Variants in PHACTR3 observed in about 807,000 individuals in gnomAD.
PHACTR3 encodes protein phosphatase 1, regulatory subunit 123.
Under a neutral mutation model 66.8 loss-of-function variants are expected in PHACTR3, and 16 were observed. The ratio of observed to expected loss-of-function variants is 0.24; its 90% CI spans 0.16 to 0.36. The LOEUF is 0.36. Ranked by LOEUF, PHACTR3 falls within the 10% of genes least tolerant of loss-of-function variation. The probability of loss-of-function intolerance (pLI) is 1.00; values close to 1 mark genes in which losing one functional copy is unlikely to be tolerated. For synonymous variants in PHACTR3, 323 were observed against 292.1 expected (o/e 1.11, Z -1.08); for missense variants, 647 against 719.9 (o/e 0.90, Z 1.16).
intron 1 of PHACTR3, among the ~76,000 whole-genome samples, chr20:59,680,699 G>A (rs1245692597): frequency 6.6e-6 from 1 of 152,106 alleles, no homozygotes; most frequent in Non-Finnish European, 1.5e-5. Flanking sequence ...ATTAGTGTTA[G>A]CGTATTTTAT....
chr20:59,823,505 T>C (rs2042107163), intron 8 of PHACTR3, among the ~76,000 whole-genome samples: 1 of 152,218 alleles, frequency 6.6e-6, no homozygotes, highest in South Asian at 2.1e-4. Flanking sequence ...TTTTAAACCA[T>C]ACAGATGTCA....
At chr20:59,635,169 C>CTTTCCTTTCTTT (rs1555881178) in intron 1 of PHACTR3, among the ~76,000 whole-genome samples, 6 of 55,372 alleles carry the variant, frequency 1.1e-4, no homozygotes, top group African/African-American at 4.5e-4. Flanking sequence ...TTCTTTCTTT[C>CTTTCCTTTCTTT]CTTTCTTTCT....
At chr20:59,761,656 C>A (rs1200035253) in intron 4 of PHACTR3, among the ~76,000 whole-genome samples, 1 of 152,224 alleles carries the variant, frequency 6.6e-6, no homozygotes, top group Non-Finnish European at 1.5e-5. Context: ...TTACTATCTG[C>A]ATCTGAACAG....
chr20:59,703,694 TGTGTGTGTGA>T (rs2146619626), intron 1 of PHACTR3, among the ~76,000 whole-genome samples: 1 of 148,070 alleles, frequency 6.8e-6, no homozygotes, highest in Non-Finnish European at 1.5e-5. Context: ...CCTTGGGGTG[TGTGTGTGTGA>T]GTGTGTGTGT....
At chr20:59,694,334 A>T (rs2037217679) in intron 1 of PHACTR3, among the ~76,000 whole-genome samples, 1 of 152,044 alleles carries the variant, frequency 6.6e-6, no homozygotes. Context: ...GGTGGAAGTG[A>T]ACTTGTTTGC....
intron 9 of PHACTR3, among the ~76,000 whole-genome samples, chr20:59,838,659 A>C (rs929030926): frequency 5.9e-5 from 9 of 152,164 alleles, no homozygotes; most frequent in African/African-American, 2.2e-4. Flanking sequence ...GGTCTGCCTA[A>C]CTCCATTGCC....
At chr20:59,776,925 A>G (rs1182494) in intron 7 of PHACTR3, among the ~76,000 whole-genome samples, 96,067 of 152,134 alleles carry the variant, frequency 0.63, 32,888 homozygotes, top group Non-Finnish European at 0.76. Context: ...GCCTGGTCAC[A>G]GCCAGCTGTG....
intron 1 of PHACTR3, among the ~76,000 whole-genome samples, chr20:59,621,754 A>T (rs1311783819): frequency 6.6e-6 from 1 of 152,186 alleles, no homozygotes; most frequent in Non-Finnish European, 1.5e-5. Flanking sequence ...AGCCACGTCC[A>T]CCACATACTG....
intron 7 of PHACTR3, among the ~76,000 whole-genome samples, chr20:59,784,950 G>C (rs1463492179): frequency 6.6e-6 from 1 of 150,670 alleles, no homozygotes; most frequent in Non-Finnish European, 1.5e-5. Flanking sequence ...GATCTTTCTG[G>C]AGTGCAGACC....
At chr20:59,713,662 T>G (rs929441251) in intron 1 of PHACTR3, among the ~76,000 whole-genome samples, 2 of 152,236 alleles carry the variant, frequency 1.3e-5, no homozygotes, top group African/African-American at 2.4e-5. Flanking sequence ...AATCTACTGT[T>G]AATAACATTT....
At chr20:59,674,643 C>CCACCT (rs2036348717) in intron 1 of PHACTR3, among the ~76,000 whole-genome samples, 1 of 94,472 alleles carries the variant, frequency 1.1e-5, no homozygotes, top group Admixed American at 1.3e-4. Flanking sequence ...TCTCCTGTTC[C>CCACCT]TCTCCCTTCT....
intron 1 of PHACTR3, among the ~76,000 whole-genome samples, chr20:59,590,972 G>A (rs553510410): frequency 6.6e-6 from 1 of 152,324 alleles, no homozygotes; most frequent in East Asian, 1.9e-4. Flanking sequence ...ATATGTGGCT[G>A]TTGAAATTTA....
At chr20:59,769,270 A>T (rs975178471) in intron 5 of PHACTR3, among the ~76,000 whole-genome samples, 1 of 152,206 alleles carries the variant, frequency 6.6e-6, no homozygotes, top group Admixed American at 6.5e-5. Context: ...TCCACCTGGA[A>T]CCTCAGAACA....
At chr20:59,686,215 T>C (rs973446222) in intron 1 of PHACTR3, among the ~76,000 whole-genome samples, 2 of 152,208 alleles carry the variant, frequency 1.3e-5, no homozygotes, top group Non-Finnish European at 2.9e-5. Context: ...ACTGAAGGGA[T>C]GAGAAGAGTG....
chr20:59,687,097 G>A (rs1427143478), intron 1 of PHACTR3, among the ~76,000 whole-genome samples: 5 of 141,534 alleles, frequency 3.5e-5, no homozygotes, highest in Non-Finnish European at 6.6e-5. Context: ...TGTGATGATG[G>A]TGGTGATAGT....
chr20:59,579,041 C>T (rs190261577), intron 1 of PHACTR3, among the ~76,000 whole-genome samples: 1 of 152,212 alleles, frequency 6.6e-6, no homozygotes, highest in Non-Finnish European at 1.5e-5. Flanking sequence ...TAAGTGCCCA[C>T]AAGTGTCAGT....
At chr20:59,674,701 T>C in intron 1 of PHACTR3, among the ~76,000 whole-genome samples, 1 of 52,730 alleles carries the variant, frequency 1.9e-5, no homozygotes, top group Non-Finnish European at 3.3e-5. Flanking sequence ...TCCTGCCTTC[T>C]CCTGTCCCCC....
At chr20:59,800,849 T>G (rs988613405) in intron 7 of PHACTR3, among the ~76,000 whole-genome samples, 2 of 152,204 alleles carry the variant, frequency 1.3e-5, no homozygotes, top group African/African-American at 2.4e-5. Flanking sequence ...TAACATTTGT[T>G]AGATAGAACC....
chr20:59,684,237 G>T (rs1813508979), intron 1 of PHACTR3, among the ~76,000 whole-genome samples: 2 of 152,060 alleles, frequency 1.3e-5, no homozygotes, highest in South Asian at 4.2e-4. Flanking sequence ...TCTTTCTTTG[G>T]GGCTGTTTCT....
Sources: gnomAD v4.1 joint callset for allele counts (sites outside exome capture counted in the v4.1 genomes callset) on GRCh38, gnomAD v4.1.1 for gene constraint, MANE v1.5 for transcripts, NCBI Gene and HGNC (gene_info 2026-07-23, HGNC 2026-07-21) for gene names.